MGAT4A: variants seen among roughly 807,000 people sequenced by gnomAD.
MGAT4A encodes the protein alpha-1,3-mannosyl-glycoprotein 4-beta-N-acetylglucosaminyltransferase A.
MGAT4A carries 33 observed loss-of-function variants against 74.1 expected under a neutral mutation model. That is an observed-to-expected ratio of 0.45 (90% CI 0.34 to 0.60). The LOEUF (loss-of-function observed/expected upper bound fraction) is 0.60. Among genes scored for constraint, MGAT4A ranks in the 20% least tolerant of loss-of-function variants. The pLI is 0.02. For missense variants in MGAT4A, 479 were observed against 628.3 expected, an observed-to-expected ratio of 0.76 and a Z score of 2.54; for synonymous variants, 198 against 210.4, an observed-to-expected ratio of 0.94 and a Z score of 0.51.
intron 2 of MGAT4A, among the ~76,000 whole-genome samples, chr2:98,680,886 A>C (rs560117819): frequency 1.3e-5 from 2 of 152,380 alleles, no homozygotes; most frequent in South Asian, 2.1e-4. Context: ...GAATCAATAA[A>C]ATTATCTCTT....
intron 1 of MGAT4A, among the ~76,000 whole-genome samples, chr2:98,728,581 C>CT (rs1702798017): frequency 6.6e-6 from 1 of 151,946 alleles, no homozygotes; most frequent in Admixed American, 6.6e-5. Context: ...AACCCTGTCT[C>CT]TATTAAAAAT....
At chr2:98,668,550 A>G (rs1372001374) in intron 4 of MGAT4A, among the ~76,000 whole-genome samples, 1 of 152,220 alleles carries the variant, frequency 6.6e-6, no homozygotes, top group South Asian at 2.1e-4. Context: ...CTGCTAGCGC[A>G]GTGCGGAAGG....
chr2:98,639,709 C>T, intron 12 of MGAT4A, 99 bp downstream of exon 12: 1 of 1,086,202 alleles, frequency 9.2e-7, no homozygotes, highest in Non-Finnish European at 1.3e-6. Flanking sequence ...CCACTGTGTC[C>T]CCACATCTGT....
chr2:98,670,078 C>T (rs1379716776), intron 4 of MGAT4A, among the ~76,000 whole-genome samples: 1 of 152,192 alleles, frequency 6.6e-6, no homozygotes, highest in Admixed American at 6.5e-5. Context: ...CTATCTGATA[C>T]AATGTTCTTC....
intron 4 of MGAT4A, 110 bp from the exon 5 acceptor site, chr2:98,663,289 G>A: frequency 1.3e-6 from 2 of 1,527,854 alleles, no homozygotes; most frequent in Non-Finnish European, 1.8e-6. Context: ...ATAACTGATG[G>A]ATCAAAATAT....
intron 10 of MGAT4A, among the ~76,000 whole-genome samples, chr2:98,641,499 CAAAAAA>C (rs1205460540): frequency 0.017 from 1,257 of 75,284 alleles, 36 homozygotes; most frequent in African/African-American, 0.058. Flanking sequence ...ACTAAAAATA[CAAAAAA>C]AAAAAAAAAA....
At chr2:98,676,542 A>G (rs1701978585) in intron 3 of MGAT4A, among the ~76,000 whole-genome samples, 1 of 152,210 alleles carries the variant, frequency 6.6e-6, no homozygotes, top group Admixed American at 6.5e-5. Context: ...TCATAATCTA[A>G]TGAAAATAAC....
rs1217215203 is a variant in MGAT4A, at chr2:98,619,968, A to C, written c.*5598T>G. 2 of 152,176 alleles carry C rather than the reference A, an allele frequency of 1.3e-5. No homozygotes were observed. The highest frequency in any genetic ancestry group is 4.8e-5 in the African/African-American group (2 of 41,448). 9.4% of individuals were successfully genotyped at this position (152,176 alleles called of 1,614,324 possible). ...GTTACTTCGCGCAAAGTGCTTTCCC[A>C]TCAATGCTCAGTTTACTTTCTTGAA... On this transcript the variant is annotated 3_prime_UTR_variant, in exon 16 of 16. Transcript: ENST00000393487.
At position 98,678,321 on chromosome 2, in the gene MGAT4A, G is replaced by GCAT; in HGVS notation, c.242_244dup (p.Asp81dup). On this transcript the variant is annotated inframe_insertion, in exon 3 of 16. Coordinates refer to ENST00000393487, the MANE Select transcript of MGAT4A (RefSeq NM_012214.3). The stretch of plus-strand genomic sequence containing the variant: ...GTTTGTACCTGAAAACTTATTCAAC[G>GCAT]CATCCTTACTTCCATTTGTTTCTGC... The GCAT allele has an allele frequency of 7.1e-7, 1 of 1,399,046 alleles. No homozygotes were observed. Among genetic ancestry groups the GCAT allele is most frequent in the Non-Finnish European group, 9.4e-7 (1 of 1,063,718 alleles). 86.7% of individuals were successfully genotyped at this position (1,399,046 alleles called of 1,614,324 possible).
chr2:98,627,531 A>G (rs1701163830), intron 14 of MGAT4A, among the ~76,000 whole-genome samples: 1 of 152,078 alleles, frequency 6.6e-6, no homozygotes, highest in Non-Finnish European at 1.5e-5. Context: ...ATGTGCCACC[A>G]CACCTGGCTA....
In MGAT4A at chr2:98,622,966, T is replaced by C; in HGVS notation, c.*2600A>G. On this transcript the variant is annotated 3_prime_UTR_variant, in exon 16 of 16. Coordinates refer to ENST00000393487, the MANE Select transcript of MGAT4A (RefSeq NM_012214.3). Reference sequence around the variant, plus strand: ...GCCAGAGATCGAGGCTGCAGTGAGCTATGAGAGCACCACTGCACTCCAGCC... The same window carrying C: ...GCCAGAGATCGAGGCTGCAGTGAGCCATGAGAGCACCACTGCACTCCAGCC... 1 of 976,236 alleles carries C rather than the reference T, an allele frequency of 1.0e-6. No individual in the cohort carries two copies. The allele number at this position is 976,236 out of a possible 1,614,324, so 60.5% of individuals were successfully genotyped here.
At chr2:98,657,882 A>G (rs1701681892) in intron 6 of MGAT4A, among the ~76,000 whole-genome samples, 1 of 152,228 alleles carries the variant, frequency 6.6e-6, no homozygotes, top group African/African-American at 2.4e-5. Context: ...TGAGAGCAGG[A>G]AGATTTTGCC....
chr2:98,711,011 C>G (rs1702508247), intron 2 of MGAT4A, among the ~76,000 whole-genome samples: 1 of 151,992 alleles, frequency 6.6e-6, no homozygotes, highest in East Asian at 1.9e-4. Context: ...AATCAGTGAT[C>G]TGTCGTAAAA....
chr2:98,684,230 C>A (rs369398295), intron 2 of MGAT4A, among the ~76,000 whole-genome samples: 6 of 152,224 alleles, frequency 3.9e-5, no homozygotes, highest in African/African-American at 1.4e-4. Context: ...TTTGATAATT[C>A]CCTATTGTCA....
intron 14 of MGAT4A, among the ~76,000 whole-genome samples, chr2:98,628,323 T>C (rs1236473506): frequency 1.3e-5 from 2 of 152,254 alleles, no homozygotes; most frequent in African/African-American, 2.4e-5. Context: ...ATACTGATAT[T>C]GCTCCCAATG....
intron 3 of MGAT4A, among the ~76,000 whole-genome samples, chr2:98,676,146 T>C (rs1701974121): frequency 6.6e-6 from 1 of 152,140 alleles, no homozygotes; most frequent in Admixed American, 6.5e-5. Context: ...AAAAGCAAGC[T>C]AGCAGTAGGA....
At chr2:98,675,821 T>C (rs1261394676) in intron 3 of MGAT4A, among the ~76,000 whole-genome samples, 1 of 152,220 alleles carries the variant, frequency 6.6e-6, no homozygotes, top group East Asian at 1.9e-4. Context: ...TCCAAAGTGC[T>C]GGGATTACAG....
Position 98,640,119 on chromosome 2 carries a change from A to G in MGAT4A, c.1128+2T>C. On this transcript the variant is annotated splice_donor_variant, in intron 11 of 15. Transcript: ENST00000393487. LOFTEE classifies it high-confidence loss of function. ...ATGAGAAAATAAAATTAAGTCACCAACCGTGAGTTTTTGGATTTTTCCTGA... is the reference window on the plus strand; with the variant it reads ...ATGAGAAAATAAAATTAAGTCACCAGCCGTGAGTTTTTGGATTTTTCCTGA... 6.2e-7 allele frequency: 1 copy of G among 1,601,256 alleles called. No individual in the cohort carries two copies. The highest frequency in any genetic ancestry group is 8.5e-7 in the Non-Finnish European group (1 of 1,174,664).
chr2:98,722,441 CACATACTGTATGATT>C (rs1702687927), intron 2 of MGAT4A, among the ~76,000 whole-genome samples: 1 of 152,130 alleles, frequency 6.6e-6, no homozygotes, highest in Non-Finnish European at 1.5e-5. Flanking sequence ...CACAAAAGAC[CACATACTGTATGATT>C]ACATTTATCT....
Sources: gnomAD v4.1 joint callset for allele counts (sites outside exome capture counted in the v4.1 genomes callset) on GRCh38, gnomAD v4.1.1 for gene constraint, MANE v1.5 for transcripts, NCBI Gene and HGNC (gene_info 2026-07-23, HGNC 2026-07-21) for gene names.